DNAJC24: variants seen among roughly 807,000 people sequenced by gnomAD.
The protein encoded by DNAJC24 is DnaJ heat shock protein family (Hsp40) member C24.
Under a neutral mutation model 18.0 loss-of-function variants are expected in DNAJC24, and 17 were observed. That is an observed-to-expected ratio of 0.94 (90% CI 0.65 to 1.42). DNAJC24 has a LOEUF of 1.42. Among genes scored for constraint, DNAJC24 ranks in the 40% most tolerant of loss-of-function variants. The pLI is 0.00. For synonymous variants in DNAJC24, 55 were observed against 57.7 expected, an observed-to-expected ratio of 0.95 and a Z score of 0.21; for missense variants, 158 against 175.6, an observed-to-expected ratio of 0.90 and a Z score of 0.57.
At chr11:31,396,982 A>G (rs1952548032) in intron 2 of DNAJC24, among the ~76,000 whole-genome samples, 1 of 152,094 alleles carries the variant, frequency 6.6e-6, no homozygotes, top group Non-Finnish European at 1.5e-5. Context: ...TCCCAATCCT[A>G]CACAGTTTCT....
chr11:31,418,578 T>C (rs1258854974), intron 3 of DNAJC24, among the ~76,000 whole-genome samples: 5 of 152,114 alleles, frequency 3.3e-5, no homozygotes, highest in Non-Finnish European at 7.4e-5. Context: ...TTAAATAATG[T>C]TTAAAAGAAT....
chr11:31,428,234 G>T (rs1447097404), intron 4 of DNAJC24, among the ~76,000 whole-genome samples: 1 of 151,998 alleles, frequency 6.6e-6, no homozygotes. Context: ...CAGTAAAGAA[G>T]ATATAGAAGA....
At chr11:31,382,381 T>A (rs891840869) in intron 2 of DNAJC24, among the ~76,000 whole-genome samples, 1 of 152,192 alleles carries the variant, frequency 6.6e-6, no homozygotes, top group Non-Finnish European at 1.5e-5. Context: ...ATATAAAGCA[T>A]TTAGCCAGTG....
At chr11:31,380,583 T>G (rs974259606) in intron 2 of DNAJC24, among the ~76,000 whole-genome samples, 1 of 152,310 alleles carries the variant, frequency 6.6e-6, no homozygotes, top group Middle Eastern at 3.4e-3. Flanking sequence ...GTTTTACTTT[T>G]TCTTTTATTT....
At chr11:31,408,651 GT>G (rs537439011) in intron 2 of DNAJC24, among the ~76,000 whole-genome samples, 1 of 152,090 alleles carries the variant, frequency 6.6e-6, no homozygotes, top group Admixed American at 6.5e-5. Context: ...ATCATTTCCT[GT>G]ATATCTTTTG....
rs1952226840 is a variant in DNAJC24 at position 31,370,806 on chromosome 11, C to T, written c.58C>T (p.Pro20Ser). The change falls in exon 2 of 5, where the codon CCA (proline) becomes TCA (serine). Residue 20 changes from proline to serine, a missense_variant. By Grantham distance (74) the Pro-to-Ser change is moderately conservative. Transcript: ENST00000465995. Reference protein sequence around the residue: ...KDWYSILGADPSANISDLKQK... With the variant: ...KDWYSILGADSSANISDLKQK... ...TTGGTACAGCATCCTGGGAGCAGAC[C>T]CATCTGCAAATATATCAGACCTAAA... 3.1e-6 allele frequency: 5 copies of T among 1,612,850 alleles called. No homozygotes were observed. The highest frequency in any genetic ancestry group is 4.2e-6 in the Non-Finnish European group (5 of 1,179,604).
At chr11:31,371,600 A>G (rs982652390) in intron 2 of DNAJC24, among the ~76,000 whole-genome samples, 3 of 152,064 alleles carry the variant, frequency 2.0e-5, no homozygotes, top group Non-Finnish European at 4.4e-5. Context: ...AACAGTTTTT[A>G]TGTGGATTAT....
chr11:31,429,795 C>A (rs1353113675), intron 4 of DNAJC24: 2 of 160,506 alleles, frequency 1.2e-5, no homozygotes, highest in East Asian at 1.7e-4. Context: ...GAGAAAGTAT[C>A]CAGATGTTGC....
chr11:31,371,799 C>G (rs78355821), intron 2 of DNAJC24, among the ~76,000 whole-genome samples: 2,792 of 143,094 alleles, frequency 0.02, 78 homozygotes, highest in African/African-American at 0.067. Context: ...CATTTATACA[C>G]TAATTATCAG....
At chr11:31,386,116 C>T (rs566006176) in intron 2 of DNAJC24, among the ~76,000 whole-genome samples, 57 of 152,178 alleles carry the variant, frequency 3.7e-4, no homozygotes, top group African/African-American at 1.2e-3. Context: ...TCCAGCAAAC[C>T]CTGCCACCAT....
At chr11:31,382,288 C>G (rs928508571) in intron 2 of DNAJC24, among the ~76,000 whole-genome samples, 3 of 152,152 alleles carry the variant, frequency 2.0e-5, no homozygotes, top group Admixed American at 6.6e-5. Context: ...ACTTACCTCT[C>G]TTAGACTCAG....
intron 3 of DNAJC24, among the ~76,000 whole-genome samples, chr11:31,425,125 C>T (rs1952848911): frequency 6.6e-6 from 1 of 152,110 alleles, no homozygotes; most frequent in African/African-American, 2.4e-5. Flanking sequence ...AGTAGATGCT[C>T]CTGTTACAAA....
intron 3 of DNAJC24, 39 bp from the exon 4 acceptor site, chr11:31,426,248 C>G (rs749712300): frequency 7.9e-7 from 1 of 1,271,786 alleles, no homozygotes; most frequent in Non-Finnish European, 1.1e-6. Flanking sequence ...ATTAAAGTAT[C>G]ATGTTTTACA....
At position 31,414,793 on chromosome 11, in the gene DNAJC24, CTTCTTT is replaced by C. The variant is rs766823469; in HGVS notation, c.112-15_112-10del. ...GCTCTCTCTACTCACCCCCTGCACC[CTTCTTT>C]TTGATTGGCAGTATCATCCAGATAA... On this transcript the variant is annotated splice_polypyrimidine_tract_variant and intron_variant, in intron 2 of 4. Coordinates refer to ENST00000465995, the MANE Select transcript of DNAJC24 (RefSeq NM_181706.5). 6.2e-7 allele frequency: 1 copy of C among 1,610,846 alleles called. No homozygotes were observed.
chr11:31,397,477 A>AT (rs3071550), intron 2 of DNAJC24, among the ~76,000 whole-genome samples: 2,815 of 144,300 alleles, frequency 0.02, 38 homozygotes, highest in East Asian at 0.033. Flanking sequence ...TACCTTTGTG[A>AT]TTTTTTTTTT....
rs1017116913 is a variant in DNAJC24 at position 31,372,221 on chromosome 11, T to C, written c.111+1362T>C. On this transcript the variant is annotated intron_variant, in intron 2 of 4. Coordinates refer to ENST00000465995, the MANE Select transcript of DNAJC24 (RefSeq NM_181706.5). The stretch of plus-strand genomic sequence containing the variant: ...TGTATTGTGATGCTTCTTAAGCCAA[T>C]GTCTGTAATTCTATACCGACGTCCG... 5.7e-5 allele frequency among the ~76,000 whole-genome samples: 8 copies of C among 139,708 alleles called. 1 individual carries two copies. Among genetic ancestry groups the C allele is most frequent in the African/African-American group, 1.7e-4 (7 of 40,918 alleles). 91.7% of individuals were successfully genotyped at this position (139,708 alleles called of 152,430 possible). A position where few individuals can be genotyped will look rare whatever the true frequency, so the allele number is the denominator to read the frequency against.
intron 2 of DNAJC24, among the ~76,000 whole-genome samples, chr11:31,405,572 G>A (rs1952649465): frequency 6.6e-6 from 1 of 151,764 alleles, no homozygotes; most frequent in Admixed American, 6.6e-5. Flanking sequence ...CAATCTTCTG[G>A]GCTCAAGGAA....
chr11:31,389,178 G>A (rs1952462068), intron 2 of DNAJC24, among the ~76,000 whole-genome samples: 1 of 152,104 alleles, frequency 6.6e-6, no homozygotes, highest in African/African-American at 2.4e-5. Flanking sequence ...AACATTGAAT[G>A]TAAATGGACT....
In DNAJC24 at chr11:31,432,516, CTG is replaced by C; in HGVS notation, c.*2118_*2119del. ...AAATGCTTACTAATCATCAGAAAAT[CTG>C]TGGCCATTAGGGCTGGCACGTAAAA... On this transcript the variant is annotated 3_prime_UTR_variant, in exon 5 of 5. Transcript: ENST00000465995. 1 of 1,612,006 alleles carries C rather than the reference CTG, an allele frequency of 6.2e-7. No homozygotes were observed. Among genetic ancestry groups the C allele is most frequent in the South Asian group, 1.1e-5 (1 of 91,010 alleles).
Sources: allele counts gnomAD v4.1 joint callset (sites outside exome capture counted in the v4.1 genomes callset), GRCh38; gene constraint gnomAD v4.1.1; transcripts MANE v1.5; gene names NCBI Gene and HGNC (gene_info 2026-07-23, HGNC 2026-07-21).